The following RCC2 variants were observed in gnomAD, a reference collection of about 807,000 sequenced individuals.
RCC2 encodes the protein protein RCC2.
Under a neutral mutation model 64.1 loss-of-function variants are expected in RCC2, and 19 were observed. The ratio of observed to expected loss-of-function variants is 0.30; its 90% CI spans 0.21 to 0.44. The LOEUF (loss-of-function observed/expected upper bound fraction) is 0.44. Among genes scored for constraint, RCC2 ranks in the 20% least tolerant of loss-of-function variants. The pLI is 1.00. For missense variants in RCC2, 508 were observed against 710.4 expected (o/e 0.72, Z 3.24); for synonymous variants, 325 against 279.6 (o/e 1.16, Z -1.62).
At chr1:17,416,447 G>A (rs761024152) in intron 8 of RCC2, 33 bp downstream of exon 8, 91 of 1,584,300 alleles carry the variant, frequency 5.7e-5, no homozygotes, top group Non-Finnish European at 7.2e-5. Context: ...ATCCTGGTGC[G>A]ACTCTCAGGA....
chr1:17,416,405 C>A (rs560309825), intron 8 of RCC2, 75 bp downstream of exon 8: 2 of 1,487,204 alleles, frequency 1.3e-6, no homozygotes, highest in Middle Eastern at 2.5e-4. Context: ...CAAAGCCAAG[C>A]GTCAGGAAAC....
intron 7 of RCC2, among the ~76,000 whole-genome samples, chr1:17,420,119 A>T (rs1040691330): frequency 3.9e-5 from 6 of 152,164 alleles, no homozygotes. Context: ...AGGGAACCGC[A>T]CTTAGGGTCC....
intron 9 of RCC2, 56 bp downstream of exon 9, chr1:17,413,481 T>C (rs2075448676): frequency 2.6e-6 from 4 of 1,564,028 alleles, no homozygotes; most frequent in Admixed American, 1.7e-5. Context: ...GACAGGACAA[T>C]GGCTACACGG....
chr1:17,429,604 C>CA (rs1373686868), intron 2 of RCC2, among the ~76,000 whole-genome samples: 1 of 152,188 alleles, frequency 6.6e-6, no homozygotes, highest in East Asian at 1.9e-4. Context: ...ACATGGCAAG[C>CA]ACGGCCTGCG....
rs760171739 is a variant in RCC2, at chr1:17,420,685, C to T, written c.859+29G>A. ...GTTCTGAATATATACAGTTAGATTA[C>T]AGAGCTTTTAAAAAATGTACTTCCA... On this transcript the variant is annotated intron_variant, in intron 7 of 12. Coordinates refer to ENST00000375436, the MANE Select transcript of RCC2 (RefSeq NM_018715.4). The T allele has an allele frequency of 1.4e-5, 20 of 1,419,230 alleles. No individual in the cohort carries two copies. The South Asian group carries it at 2.5e-4, about 18-fold the overall frequency. 87.9% of individuals were successfully genotyped at this position (1,419,230 alleles called of 1,614,324 possible).
At chr1:17,432,339 TG>T (rs1388547273) in intron 2 of RCC2, among the ~76,000 whole-genome samples, 4 of 152,068 alleles carry the variant, frequency 2.6e-5, no homozygotes, top group African/African-American at 9.7e-5. Context: ...GAAGTCCCTG[TG>T]GAAGGAGAGG....
chr1:17,426,221 A>C (rs949647996), intron 3 of RCC2, among the ~76,000 whole-genome samples: 7 of 151,894 alleles, frequency 4.6e-5, no homozygotes, highest in Non-Finnish European at 8.8e-5. Context: ...CTGGGCCAGA[A>C]GGCTCTTTCT....
In RCC2 at chr1:17,438,458, G is replaced by A. The variant is rs1203916119; in HGVS notation, c.57C>T (p.Gly19=). The change falls in exon 2 of 13, where the codon GGC becomes GGT. Residue 19 remains glycine, a synonymous_variant. Coordinates refer to ENST00000375436, the MANE Select transcript of RCC2 (RefSeq NM_018715.4). ...GTTTCCTGGGCCCGGCGCGGGCAGT[G>A]CCGTTGCCCGAGCTCGGCTCCTCCC... is the stretch of plus-strand genomic sequence containing the variant. ...AAWEEPSSGN[G]TARAGPRKRG... 2 of 1,318,288 alleles carry A rather than the reference G, an allele frequency of 1.5e-6. No homozygotes were observed. The highest frequency in any genetic ancestry group is 1.9e-6 in the Non-Finnish European group (2 of 1,037,846). 81.7% of individuals were successfully genotyped at this position (1,318,288 alleles called of 1,614,324 possible). A position where few individuals can be genotyped will look rare whatever the true frequency, so the allele number is the denominator to read the frequency against.
At chr1:17,423,499 G>A (rs1380479935) in intron 4 of RCC2, among the ~76,000 whole-genome samples, 1 of 152,228 alleles carries the variant, frequency 6.6e-6, no homozygotes, top group East Asian at 1.9e-4. Flanking sequence ...CCAAGGCCCT[G>A]TATCTGTGAA....
intron 6 of RCC2, among the ~76,000 whole-genome samples, 199 bp from the exon 7 acceptor site, chr1:17,421,027 C>A (rs1447626314): frequency 1.2e-4 from 18 of 152,126 alleles, no homozygotes; most frequent in Non-Finnish European, 1.5e-5. Context: ...CAGACCCCCA[C>A]CCTCCCAGCA....
At chr1:17,431,499 CAAAAAA>C (rs558362245) in intron 2 of RCC2, among the ~76,000 whole-genome samples, 5 of 57,904 alleles carry the variant, frequency 8.6e-5, no homozygotes, top group African/African-American at 3.7e-4. Flanking sequence ...AGCCCTGTCT[CAAAAAA>C]AAAAAAAAAA....
At chr1:17,439,172 C>T (rs2075778930) in intron 1 of RCC2, among the ~76,000 whole-genome samples, 2 of 152,186 alleles carry the variant, frequency 1.3e-5, no homozygotes, top group African/African-American at 2.4e-5. Flanking sequence ...CAGCCCCAAA[C>T]ACCTGCTCGC....
intron 6 of RCC2, among the ~76,000 whole-genome samples, chr1:17,421,695 T>C (rs2075557510): frequency 6.6e-6 from 1 of 152,200 alleles, no homozygotes; most frequent in East Asian, 1.9e-4. Context: ...GTTTTCAGGA[T>C]GGTTTTCAAC....
At chr1:17,437,160 C>G (rs906726581) in intron 2 of RCC2, among the ~76,000 whole-genome samples, 1 of 152,152 alleles carries the variant, frequency 6.6e-6, no homozygotes, top group Non-Finnish European at 1.5e-5. Context: ...ATAAAACGGA[C>G]GTAGAAAATG....
At chr1:17,427,810 G>T (rs927831581) in intron 3 of RCC2, among the ~76,000 whole-genome samples, 1 of 151,958 alleles carries the variant, frequency 6.6e-6, no homozygotes, top group Non-Finnish European at 1.5e-5. Context: ...GGGCTGGAGG[G>T]ACTGGAGGGA....
rs1033861232 is a variant in RCC2 at position 17,432,021 on chromosome 1, G to C, written c.286-2822C>G. ...GAGAATCGCTTGAACCCAGGAGGCAGAGGTTGCAGCGAGCCGAGATCACAC... is the reference window on the plus strand; with the variant it reads ...GAGAATCGCTTGAACCCAGGAGGCACAGGTTGCAGCGAGCCGAGATCACAC... On this transcript the variant is annotated intron_variant, in intron 2 of 12. Transcript: ENST00000375436. Among the ~76,000 whole-genome samples, 14 of 151,946 alleles carry C rather than the reference G, an allele frequency of 9.2e-5. 1 individual carries two copies. Among genetic ancestry groups the C allele is most frequent in the Admixed American group, 7.2e-4 (11 of 15,258 alleles).
rs1373235979 is a variant in RCC2 at position 17,408,021 on chromosome 1, G to A, written c.*1069C>T. The A allele has an allele frequency of 6.6e-6, 1 of 152,326 alleles. No individual in the cohort carries two copies. The highest frequency in any genetic ancestry group is 1.9e-4 in the East Asian group (1 of 5,192). The allele number at this position is 152,326 out of a possible 1,614,324, so 9.4% of individuals were successfully genotyped here. On this transcript the variant is annotated 3_prime_UTR_variant, in exon 13 of 13. Coordinates refer to ENST00000375436, the MANE Select transcript of RCC2 (RefSeq NM_018715.4). ...AGCATCCGTGCTGACACGCAAGGAA[G>A]GGGACTCTTCGGTAATCCCAACTAT...
chr1:17,418,715 C>T (rs950712175), intron 7 of RCC2, among the ~76,000 whole-genome samples: 2 of 152,250 alleles, frequency 1.3e-5, no homozygotes, highest in East Asian at 1.9e-4. Flanking sequence ...TTCTAGGCTA[C>T]GATGAATGTA....
chr1:17,420,109 A>T (rs2075539058), intron 7 of RCC2, among the ~76,000 whole-genome samples: 1 of 152,196 alleles, frequency 6.6e-6, no homozygotes, highest in Non-Finnish European at 1.5e-5. Context: ...AGCGCACTTC[A>T]GGGAACCGCA....
Sources: allele counts gnomAD v4.1 joint callset (sites outside exome capture counted in the v4.1 genomes callset), GRCh38; gene constraint gnomAD v4.1.1; transcripts MANE v1.5; gene names NCBI Gene and HGNC (gene_info 2026-07-23, HGNC 2026-07-21).